The following DICER1 variants were observed in gnomAD, a reference collection of about 807,000 sequenced individuals.
DICER1 encodes dicer 1, ribonuclease III, also known as endoribonuclease Dicer.
DICER1 carries 43 observed loss-of-function variants against 194.1 expected under a neutral mutation model. The ratio of observed to expected loss-of-function variants is 0.22; its 90% confidence interval spans 0.17 to 0.29. The LOEUF (loss-of-function observed/expected upper bound fraction) is 0.29. Ranked by LOEUF, DICER1 falls within the 10% of genes least tolerant of loss-of-function variation. The pLI, the probability that DICER1 is intolerant of heterozygous loss-of-function variation, is 1.00. For synonymous variants in DICER1, 832 were observed against 820.5 expected (o/e 1.01, Z -0.24); for missense variants, 1,608 against 2,317.0 (o/e 0.69, Z 6.28).
At chr14:95,095,800 T>G in intron 23 of DICER1, 25 bp downstream of exon 23, 1 of 1,613,134 alleles carries the variant, frequency 6.2e-7, no homozygotes, top group East Asian at 2.2e-5. Flanking sequence ...TTCCCAGAAA[T>G]GAAGTCTGGT....
Position 95,089,077 on chromosome 14 carries a change from A to G in DICER1, c.*1421T>C, listed in dbSNP as rs1185843475. On this transcript the variant is annotated 3_prime_UTR_variant, in exon 27 of 27. Coordinates refer to ENST00000343455, the MANE Select transcript of DICER1 (RefSeq NM_177438.3). ...AAAAAAAAAAATTAAAATTTCAAGC[A>G]TAATACATAAACATAGCACCAAACA... The G allele has an allele frequency of 4.3e-6, 1 of 233,418 alleles. No individual in the cohort carries two copies. The highest frequency in any genetic ancestry group is 2.2e-5 in the African/African-American group (1 of 45,326). The allele number at this position is 233,418 out of a possible 1,614,324, so 14.5% of individuals were successfully genotyped here.
chr14:95,132,799 C>A (rs1894069313), intron 2 of DICER1, 122 bp from the exon 3 acceptor site: 12 of 912,398 alleles, frequency 1.3e-5, no homozygotes, highest in South Asian at 4.4e-5. Context: ...AATAAATTTA[C>A]AAAAAAAACC....
intron 14 of DICER1, among the ~76,000 whole-genome samples, chr14:95,109,118 TAA>T (rs1891724863): frequency 6.6e-6 from 1 of 152,306 alleles, no homozygotes; most frequent in African/African-American, 2.4e-5. Context: ...CCCGTTACTG[TAA>T]AGAGAATATC....
intron 7 of DICER1, among the ~76,000 whole-genome samples, chr14:95,125,938 G>A (rs1389840737): frequency 1.3e-5 from 2 of 152,054 alleles, no homozygotes; most frequent in African/African-American, 4.8e-5. Flanking sequence ...TGCTGCTCGA[G>A]AAGAAAAAAA....
chr14:95,115,398 G>A (rs551751450), intron 11 of DICER1, among the ~76,000 whole-genome samples: 22 of 152,046 alleles, frequency 1.4e-4, no homozygotes, highest in Middle Eastern at 3.4e-3. Context: ...AAATTGGTGA[G>A]AATTATAAAA....
chr14:95,133,017 C>T (rs1894086538), intron 2 of DICER1, among the ~76,000 whole-genome samples: 1 of 152,140 alleles, frequency 6.6e-6, no homozygotes, highest in South Asian at 2.1e-4. Flanking sequence ...CATTTTCAAA[C>T]TAATCTAGGT....
intron 21 of DICER1, among the ~76,000 whole-genome samples, chr14:95,101,395 A>T (rs1249215935): frequency 6.6e-6 from 1 of 152,156 alleles, no homozygotes; most frequent in East Asian, 1.9e-4. Context: ...AGAGTATCCT[A>T]TCCTATTGCC....
chr14:95,114,197 A>G (rs762532973), intron 11 of DICER1, among the ~76,000 whole-genome samples: 12 of 152,214 alleles, frequency 7.9e-5, no homozygotes, highest in Non-Finnish European at 1.3e-4. Flanking sequence ...TTTCTCCACT[A>G]AATTCGAGGA....
At chr14:95,133,232 G>A in intron 2 of DICER1, 83 bp downstream of exon 2, 1 of 1,482,032 alleles carries the variant, frequency 6.7e-7, no homozygotes. Context: ...GGGTAAATGA[G>A]TTTTATATAA....
intron 23 of DICER1, 165 bp downstream of exon 23, chr14:95,095,660 T>A: frequency 1.2e-6 from 1 of 817,150 alleles, no homozygotes; most frequent in South Asian, 1.5e-5. Context: ...GCTCCCCAAA[T>A]AACAAGGAAA....
intron 8 of DICER1, among the ~76,000 whole-genome samples, chr14:95,123,630 T>C (rs914934609): frequency 2.3e-4 from 35 of 152,124 alleles, no homozygotes; most frequent in Non-Finnish European, 4.6e-4. Flanking sequence ...GTGTTGCCCC[T>C]TGTGAACTCA....
chr14:95,147,684 T>C (rs144615344), intron 1 of DICER1, among the ~76,000 whole-genome samples: 31 of 152,244 alleles, frequency 2.0e-4, no homozygotes, highest in African/African-American at 6.0e-4. Flanking sequence ...ATTCCAACAT[T>C]ATCTACCTGG....
At position 95,148,610 on chromosome 14, in the gene DICER1, T is replaced by C. The variant is rs1005531989; in HGVS notation, c.-46+8620A>G. ...TTATGTTTAGATTTCAATATAATCA[T>C]GCCTAAAATTAGATTGGTCCAAAAT... On this transcript the variant is annotated intron_variant, in intron 1 of 26. Transcript: ENST00000343455. 2.0e-5 allele frequency among the ~76,000 whole-genome samples: 3 copies of C among 152,208 alleles called. 1 individual carries two copies. The highest frequency in any genetic ancestry group is 2.0e-4 in the Admixed American group (3 of 15,290).
intron 1 of DICER1, among the ~76,000 whole-genome samples, chr14:95,156,002 T>G (rs995650590): frequency 2.0e-5 from 3 of 152,226 alleles, no homozygotes; most frequent in Non-Finnish European, 4.4e-5. Context: ...TCAATAATAT[T>G]GAAAATTACT....
chr14:95,126,124 A>T (rs1198014881), intron 7 of DICER1, among the ~76,000 whole-genome samples: 1 of 152,338 alleles, frequency 6.6e-6, no homozygotes, highest in East Asian at 1.9e-4. Context: ...CCCCACCCAG[A>T]TGCTGCTGAT....
intron 8 of DICER1, among the ~76,000 whole-genome samples, chr14:95,118,500 C>T (rs955307450): frequency 2.0e-5 from 3 of 152,194 alleles, no homozygotes; most frequent in South Asian, 2.1e-4. Context: ...GATTCCTGAG[C>T]TCTGTCTCTC....
At position 95,126,462 on chromosome 14, in the gene DICER1, TA is replaced by T. The variant is rs147374185; in HGVS notation, c.903+117del. On this transcript the variant is annotated intron_variant, in intron 7 of 26. Transcript: ENST00000343455. ...TTCAATGAAAAATGTCTAAAAAGATTAAGACCTTAAACTAAAATGCAAAGAA... is the reference window on the plus strand; with the variant it reads ...TTCAATGAAAAATGTCTAAAAAGATTAGACCTTAAACTAAAATGCAAAGAA... The T allele has an allele frequency of 8.3e-4, 557 of 673,848 alleles. 3 individuals are homozygous for T. In the African/African-American group the frequency reaches 8.5e-3, roughly 10 times the overall value. The allele number at this position is 673,848 out of a possible 1,614,324, so 41.7% of individuals were successfully genotyped here.
chr14:95,100,340 A>G (rs573059002), intron 21 of DICER1, among the ~76,000 whole-genome samples: 29 of 152,342 alleles, frequency 1.9e-4, no homozygotes, highest in African/African-American at 6.3e-4. Flanking sequence ...AGATGTCACA[A>G]TATTTTCAAT....
intron 8 of DICER1, among the ~76,000 whole-genome samples, chr14:95,121,241 G>T (rs1595428991): frequency 6.6e-6 from 1 of 152,120 alleles, no homozygotes; most frequent in East Asian, 1.9e-4. Context: ...GAGGAAACTG[G>T]GTAGATACTG....
Sources: gnomAD v4.1 joint callset for allele counts (sites outside exome capture counted in the v4.1 genomes callset) on GRCh38, gnomAD v4.1.1 for gene constraint, MANE v1.5 for transcripts, NCBI Gene and HGNC (gene_info 2026-07-23, HGNC 2026-07-21) for gene names.